The following OR51B2 variants were observed in gnomAD, a reference collection of about 807,000 sequenced individuals.
The protein encoded by OR51B2 is olfactory receptor 51B2.
For synonymous variants in OR51B2, 158 were observed against 135.3 expected (o/e 1.17, Z -1.16); for missense variants, 463 against 380.1 (o/e 1.22, Z -1.81).
chr11:5,323,455 A>G lies in OR51B2; in HGVS notation c.843T>C (p.Phe281=). Residue 281 remains phenylalanine, a synonymous_variant, in exon 1 of 1, where the codon TTT becomes TTC. Coordinates refer to ENST00000624187, the MANE Select transcript of OR51B2 (RefSeq NM_033180.5). ...AGATGACAGGGTTCATTAAAGGAGG[A>G]AAGAGGAAGTAGATGTAACTCATGA... ...HIIMSYIYFL[F]PPLMNPVIYS... The G allele has an allele frequency of 6.2e-7, 1 of 1,613,544 alleles. No individual in the cohort carries two copies. The highest frequency in any genetic ancestry group is 1.1e-5 in the South Asian group (1 of 91,082).
chr11:5,324,028 A>G lies in OR51B2; in HGVS notation c.270T>C (p.Ile90=), dbSNP rs200974051. 10 of 1,613,868 alleles carry G rather than the reference A, an allele frequency of 6.2e-6. No individual in the cohort carries two copies. The South Asian group carries it at 9.9e-5, about 16-fold the overall frequency. ...CCTGTAGGAAGCAGCCCACACTGCTAATCTCCCTGTGATTCACCCATAGGA... is the reference window on the plus strand; with the variant it reads ...CCTGTAGGAAGCAGCCCACACTGCTGATCTCCCTGTGATTCACCCATAGGA... The part of the protein sequence containing the change: ...MGILWVNHRE[I]SSVGCFLQAY... The change falls in exon 1 of 1, where the codon ATT becomes ATC. Residue 90 remains isoleucine (I), a synonymous_variant. Coordinates refer to ENST00000624187, the MANE Select transcript of OR51B2 (RefSeq NM_033180.5).
chr11:5,323,777 CG>C lies in OR51B2; in HGVS notation c.520del (p.Arg174ValfsTer10). On this transcript the variant is annotated frameshift_variant, in exon 1 of 1. Transcript: ENST00000624187. LOFTEE classifies it low-confidence loss of function (END_TRUNC). ...GATTTCTTGGTGGAGGCAGAAAGCACGTGTGATAACATGAGATTTGCAATAT... is the reference window on the plus strand; with the variant it reads ...GATTTCTTGGTGGAGGCAGAAAGCACTGTGATAACATGAGATTTGCAATAT... ...FSYCKSHVIT[R>X]AFCLHQEIMR... 1 of 1,613,314 alleles carries C rather than the reference CG, an allele frequency of 6.2e-7. No homozygotes were observed. The highest frequency in any genetic ancestry group is 8.5e-7 in the Non-Finnish European group (1 of 1,179,814).
Position 5,323,668 on chromosome 11 carries a change from C to G in OR51B2, c.630G>C (p.Leu210=), listed in dbSNP as rs1848701708. ...LISLTIFLDC[L]IILFSYILIL... ...TTAGAATATAGGAGAAGAGGATGAT[C>G]AGACAGTCTAGGAAGATTGTTAAAG... The change falls in exon 1 of 1, where the codon CTG becomes CTC. Residue 210 remains leucine (L), a synonymous_variant. Transcript: ENST00000624187. The G allele has an allele frequency of 5.0e-6, 8 of 1,612,880 alleles. No homozygotes were observed. Among genetic ancestry groups the G allele is most frequent in the Admixed American group, 3.3e-5 (2 of 59,884 alleles).
In OR51B2 at chr11:5,323,930, G is replaced by A; in HGVS notation, c.368C>T (p.Ala123Val). The A allele has an allele frequency of 6.2e-7, 1 of 1,613,960 alleles. No homozygotes were observed. Among genetic ancestry groups the A allele is most frequent in the South Asian group, 1.1e-5 (1 of 91,070 alleles). ...AGCATATCTCAAAGGATTGCGGATGGCAATGAAACAATCATATGCCATTGC... is the reference window on the plus strand; with the variant it reads ...AGCATATCTCAAAGGATTGCGGATGACAATGAAACAATCATATGCCATTGC... Reference protein sequence around the residue: ...LLAMAYDCFIAIRNPLRYASI... With the variant: ...LLAMAYDCFIVIRNPLRYASI... Residue 123 changes from alanine to valine, a missense_variant, in exon 1 of 1, where the codon GCC becomes GTC. Coordinates refer to ENST00000624187, the MANE Select transcript of OR51B2 (RefSeq NM_033180.5).
In OR51B2 at chr11:5,323,644, T is replaced by C. The variant is rs1440112241; in HGVS notation, c.654A>G (p.Leu218=). Residue 218 remains leucine (L), a synonymous_variant, in exon 1 of 1, where the codon CTA becomes CTG. Transcript: ENST00000624187. ...DCLIILFSYI[L]ILNTVIGIAS... is the part of the protein sequence containing the mutation. ...CAATGCCTATGACAGTATTAAGAAT[T>C]AGAATATAGGAGAAGAGGATGATCA... The C allele has an allele frequency of 1.9e-6, 3 of 1,612,942 alleles. No individual in the cohort carries two copies. Among genetic ancestry groups the C allele is most frequent in the Non-Finnish European group, 2.5e-6 (3 of 1,179,144 alleles).
rs761898690 is a variant in OR51B2, at chr11:5,323,506, C to A, written c.792G>T (p.Lys264Asn). 19 of 1,613,580 alleles carry A rather than the reference C, an allele frequency of 1.2e-5. No homozygotes were observed. The South Asian group carries it at 2.0e-4, about 17-fold the overall frequency. The change falls in exon 1 of 1, where the codon AAG (lysine) becomes AAT (asparagine). Residue 264 changes from lysine to asparagine, a missense_variant. Physicochemically the swap from Lys to Asn is moderately conservative, Grantham distance 94. Transcript: ENST00000624187. ...MGLTFIYRFG[K>N]NVPEVVHIIM... ...TAATGTGGACAACCTCTGGCACATT[C>A]TTCCCAAATCTGTAAATGAATGTCA...
rs1848703009 is a variant in OR51B2, at chr11:5,323,753, A to G, written c.545T>C (p.Ile182Thr). Residue 182 changes from isoleucine (I) to threonine (T), a missense_variant, in exon 1 of 1, where the codon ATC becomes ACC. Ile to Thr is a moderately conservative substitution (Grantham distance 89). Transcript: ENST00000624187. The part of the protein sequence containing the change: ...ITRAFCLHQE[I>T]MRLACADITF... ...TATGTCAGCACAAGCCAGTCTCATG[A>G]TTTCTTGGTGGAGGCAGAAAGCACG... 3 of 1,613,958 alleles carry G rather than the reference A, an allele frequency of 1.9e-6. No homozygotes were observed. The highest frequency in any genetic ancestry group is 2.2e-5 in the South Asian group (2 of 91,066).
rs754438636 is a variant in OR51B2, at chr11:5,324,135, C to T, written c.163G>A (p.Glu55Lys). The T allele has an allele frequency of 4.6e-5, 75 of 1,613,882 alleles. No homozygotes were observed. In the Admixed American group the frequency reaches 1.3e-3, roughly 27 times the overall value. Reference protein sequence around the residue: ...YLIKHDHSLHEPMYYFLTMLA... With the variant: ...YLIKHDHSLHKPMYYFLTMLA... ...ATGGTGAGGAAGTAGTACATGGGCTCATGAAGACTGTGGTCATGCTTGATG... is the reference window on the plus strand; with the variant it reads ...ATGGTGAGGAAGTAGTACATGGGCTTATGAAGACTGTGGTCATGCTTGATG... Residue 55 changes from glutamate to lysine, a missense_variant, in exon 1 of 1, where the codon GAG (glutamate) becomes AAG (lysine). By Grantham distance (56) the Glu-to-Lys change is moderately conservative (BLOSUM62 1). Coordinates refer to ENST00000624187, the MANE Select transcript of OR51B2 (RefSeq NM_033180.5).
Position 5,324,084 on chromosome 11 carries a change from T to A in OR51B2, c.214A>T (p.Thr72Ser). The change falls in exon 1 of 1, where the codon ACA becomes TCA. Residue 72 changes from threonine (T) to serine (S), a missense_variant. By Grantham distance (58) the Thr-to-Ser change is moderately conservative. Transcript: ENST00000624187. ...TMLAGTDLMVTLTTMPTVMGI... is the reference protein window; with the variant it reads ...TMLAGTDLMVSLTTMPTVMGI... ...ATTACAGTAGGCATCGTGGTCAATG[T>A]CACCATGAGGTCTGTGCCTGCCAGC... 6.2e-7 allele frequency: 1 copy of A among 1,613,852 alleles called. No homozygotes were observed. Among genetic ancestry groups the A allele is most frequent in the East Asian group, 2.2e-5 (1 of 44,866 alleles).
Position 5,323,929 on chromosome 11 carries a change from G to T in OR51B2, c.369C>A (p.Ala123=). Residue 123 remains alanine (A), a synonymous_variant, in exon 1 of 1, where the codon GCC becomes GCA. Transcript: ENST00000624187. The part of the protein sequence containing the change: ...LLAMAYDCFI[A]IRNPLRYASI... ...AAGCATATCTCAAAGGATTGCGGAT[G>T]GCAATGAAACAATCATATGCCATTG... 1 of 1,613,950 alleles carries T rather than the reference G, an allele frequency of 6.2e-7. No individual in the cohort carries two copies. Among genetic ancestry groups the T allele is most frequent in the South Asian group, 1.1e-5 (1 of 91,076 alleles).
Position 5,323,913 on chromosome 11 carries a change from T to G in OR51B2, c.385A>C (p.Arg129=), listed in dbSNP as rs1848705892. 6.2e-7 allele frequency: 1 copy of G among 1,613,802 alleles called. No individual in the cohort carries two copies. The highest frequency in any genetic ancestry group is 1.3e-5 in the African/African-American group (1 of 74,862). Residue 129 remains arginine (R), a synonymous_variant, in exon 1 of 1, where the codon AGA becomes CGA. Coordinates refer to ENST00000624187, the MANE Select transcript of OR51B2 (RefSeq NM_033180.5). ...GTATTGGTGAGAATGGAAGCATATC[T>G]CAAAGGATTGCGGATGGCAATGAAA... The part of the protein sequence containing the change: ...DCFIAIRNPL[R]YASILTNTRV...
rs767614362 is a variant in OR51B2, at chr11:5,324,004, C to G, written c.294G>C (p.Gln98His). ...REISSVGCFL[Q>H]AYFIHSLSVV... Reference sequence around the variant, plus strand: ...CAGAAAGGGAGTGAATAAAGTAAGCCTGTAGGAAGCAGCCCACACTGCTAA... The same window carrying G: ...CAGAAAGGGAGTGAATAAAGTAAGCGTGTAGGAAGCAGCCCACACTGCTAA... Residue 98 changes from glutamine (Q) to histidine (H), a missense_variant, in exon 1 of 1, where the codon CAG becomes CAC. Gln to His is a conservative substitution (Grantham distance 24). Coordinates refer to ENST00000624187, the MANE Select transcript of OR51B2 (RefSeq NM_033180.5). 4 of 1,613,904 alleles carry G rather than the reference C, an allele frequency of 2.5e-6. No homozygotes were observed. The South Asian group carries it at 4.4e-5, about 18-fold the overall frequency.
At position 5,323,844 on chromosome 11, in the gene OR51B2, C is replaced by G. The variant is rs201851252; in HGVS notation, c.454G>C (p.Val152Leu). The G allele has an allele frequency of 9.7e-5, 156 of 1,613,924 alleles. 1 individual carries two copies. In the East Asian group the frequency reaches 3.3e-3, roughly 35 times the overall value. The change falls in exon 1 of 1, where the codon GTA becomes CTA. Residue 152 changes from valine to leucine, a missense_variant. Coordinates refer to ENST00000624187, the MANE Select transcript of OR51B2 (RefSeq NM_033180.5). ...CGCAAAATTACAGGCAGGATGGATACAAAACCCCTTAGAAACACTCCCACT... is the reference window on the plus strand; with the variant it reads ...CGCAAAATTACAGGCAGGATGGATAGAAAACCCCTTAGAAACACTCCCACT... ...LGVGVFLRGF[V>L]SILPVILRLF...
rs1044542503 is a variant in OR51B2, at chr11:5,323,517, T to C, written c.781A>G (p.Arg261Gly). 1.9e-6 allele frequency: 3 copies of C among 1,613,538 alleles called. No individual in the cohort carries two copies. Among genetic ancestry groups the C allele is most frequent in the Non-Finnish European group, 2.5e-6 (3 of 1,179,648 alleles). ...ACCTCTGGCACATTCTTCCCAAATC[T>C]GTAAATGAATGTCAAACCCATCACT... The part of the protein sequence containing the change: ...VTVMGLTFIY[R>G]FGKNVPEVVH... The change falls in exon 1 of 1, where the codon AGA becomes GGA. Residue 261 changes from arginine to glycine, a missense_variant. By Grantham distance (125) the Arg-to-Gly change is moderately radical (BLOSUM62 -2). Transcript: ENST00000624187.
Position 5,323,447 on chromosome 11 carries a change from A to G in OR51B2, c.851T>C (p.Leu284Ser), listed in dbSNP as rs1474855785. 6.2e-7 allele frequency: 1 copy of G among 1,613,640 alleles called. No homozygotes were observed. The highest frequency in any genetic ancestry group is 8.5e-7 in the Non-Finnish European group (1 of 1,179,612). The change falls in exon 1 of 1, where the codon TTA becomes TCA. Residue 284 changes from leucine (L) to serine (S), a missense_variant. Coordinates refer to ENST00000624187, the MANE Select transcript of OR51B2 (RefSeq NM_033180.5). ...GATGCTGTAGATGACAGGGTTCATT[A>G]AAGGAGGAAAGAGGAAGTAGATGTA... Reference protein sequence around the residue: ...MSYIYFLFPPLMNPVIYSIKT... With the variant: ...MSYIYFLFPPSMNPVIYSIKT...
rs770237512 is a variant in OR51B2, at chr11:5,323,876, G to A, written c.422C>T (p.Ala141Val). 16 of 1,613,732 alleles carry A rather than the reference G, an allele frequency of 9.9e-6. No individual in the cohort carries two copies. Among genetic ancestry groups the A allele is most frequent in the Middle Eastern group, 1.6e-4 (1 of 6,080 alleles). Reference sequence around the variant, plus strand: ...CCTTAGAAACACTCCCACTCCTAACGCTATGACTCTAGTATTGGTGAGAAT... The same window carrying A: ...CCTTAGAAACACTCCCACTCCTAACACTATGACTCTAGTATTGGTGAGAAT... ...ASILTNTRVI[A>V]LGVGVFLRGF... The change falls in exon 1 of 1, where the codon GCG (alanine) becomes GTG (valine). Residue 141 changes from alanine to valine, a missense_variant. By Grantham distance (64) the Ala-to-Val change is moderately conservative (BLOSUM62 0). Coordinates refer to ENST00000624187, the MANE Select transcript of OR51B2 (RefSeq NM_033180.5).
rs371065028 is a variant in OR51B2, at chr11:5,323,548, A to G, written c.750T>C (p.Tyr250=). The change falls in exon 1 of 1, where the codon TAT becomes TAC. Residue 250 remains tyrosine, a synonymous_variant. Transcript: ENST00000624187. The part of the protein sequence containing the change: ...ISHISCVLIF[Y]VTVMGLTFIY... ...TGAATGTCAAACCCATCACTGTAAC[A>G]TAGAAGATAAGAACACAACTAATGT... The G allele has an allele frequency of 3.7e-6, 6 of 1,613,742 alleles. No individual in the cohort carries two copies. The highest frequency in any genetic ancestry group is 4.5e-5 in the East Asian group (2 of 44,858).
At position 5,323,440 on chromosome 11, in the gene OR51B2, G is replaced by C. The variant is rs760709758; in HGVS notation, c.858C>G (p.Asn286Lys). ...TGGTTTTGATGCTGTAGATGACAGG[G>C]TTCATTAAAGGAGGAAAGAGGAAGT... ...YIYFLFPPLM[N>K]PVIYSIKTKQ... Residue 286 changes from asparagine to lysine, a missense_variant, in exon 1 of 1, where the codon AAC becomes AAG. By Grantham distance (94) the Asn-to-Lys change is moderately conservative. Transcript: ENST00000624187. 3.7e-6 allele frequency: 6 copies of C among 1,613,668 alleles called. No homozygotes were observed. The East Asian group carries it at 1.3e-4, about 36-fold the overall frequency.
At position 5,324,069 on chromosome 11, in the gene OR51B2, G is replaced by C. The variant is rs376970807; in HGVS notation, c.229C>G (p.Pro77Ala). 85 of 1,613,734 alleles carry C rather than the reference G, an allele frequency of 5.3e-5. No homozygotes were observed. The highest frequency in any genetic ancestry group is 6.9e-5 in the Non-Finnish European group (82 of 1,179,890). The change falls in exon 1 of 1, where the codon CCT becomes GCT. Residue 77 changes from proline (P) to alanine (A), a missense_variant. Coordinates refer to ENST00000624187, the MANE Select transcript of OR51B2 (RefSeq NM_033180.5). ...ACCCATAGGATGCCCATTACAGTAG[G>C]CATCGTGGTCAATGTCACCATGAGG... ...TDLMVTLTTM[P>A]TVMGILWVNH...
Sources: allele counts gnomAD v4.1 joint callset, GRCh38; gene constraint gnomAD v4.1.1; transcripts MANE v1.5; gene names NCBI Gene and HGNC (gene_info 2026-07-23, HGNC 2026-07-21).